Variants in ZMYM1 observed in about 807,000 individuals in gnomAD.
ZMYM1 encodes zinc finger MYM-type containing 1.
Under a neutral mutation model 60.0 loss-of-function variants are expected in ZMYM1, and 39 were observed. The ratio of observed to expected loss-of-function variants is 0.65; its 90% CI spans 0.50 to 0.85. The LOEUF is 0.85. ZMYM1 is among the 40% of genes least tolerant of loss of function. The pLI, the probability that ZMYM1 is intolerant of heterozygous loss-of-function variation, is 0.00. For missense variants in ZMYM1, 1,171 were observed against 1,309.5 expected (o/e 0.89, Z 1.63); for synonymous variants, 413 against 454.0 (o/e 0.91, Z 1.15).
At position 35,112,092 on chromosome 1, in the gene ZMYM1, G is replaced by A. The variant is rs1394515175; in HGVS notation, c.1108G>A (p.Val370Ile). Residue 370 changes from valine (V) to isoleucine (I), a missense_variant, in exon 9 of 10, where the codon GTT becomes ATT. Coordinates refer to ENST00000359858, the MANE Select transcript of ZMYM1 (RefSeq NM_024772.5). Reference protein sequence around the residue: ...IMNTDVLQDTVSSVTATADVI... With the variant: ...IMNTDVLQDTISSVTATADVI... The stretch of plus-strand genomic sequence containing the variant: ...TTTATGCTCTATTTTAACAGATACA[G>A]TTTCTTCAGTAACAGCAACAGCAGA... 6.2e-7 allele frequency: 1 copy of A among 1,612,970 alleles called. No homozygotes were observed. Among genetic ancestry groups the A allele is most frequent in the Non-Finnish European group, 8.5e-7 (1 of 1,179,538 alleles).
chr1:35,064,292 CAAAAAAAAAAAA>C (rs371084383), intron 1 of ZMYM1, among the ~76,000 whole-genome samples: 1 of 54,504 alleles, frequency 1.8e-5, no homozygotes, highest in Admixed American at 2.1e-4. Flanking sequence ...GATCCTGTCT[CAAAAAAAAAAAA>C]AAAAAAAAAC....
upstream of ZMYM1, among the ~76,000 whole-genome samples, chr1:35,078,051 C>CT (rs536570260): frequency 1.0e-3 from 155 of 152,278 alleles, no homozygotes; most frequent in East Asian, 8.9e-3. Flanking sequence ...ATCCTCTTGC[C>CT]TTCAGCTTTT....
At chr1:35,066,768 C>A (rs1243685129) in intron 1 of ZMYM1, among the ~76,000 whole-genome samples, 2 of 152,056 alleles carry the variant, frequency 1.3e-5, no homozygotes, top group Non-Finnish European at 2.9e-5. Flanking sequence ...ATAGTTCCAA[C>A]TACTGAGGAA....
chr1:35,072,782 T>C (rs1434175570), intron 1 of ZMYM1, among the ~76,000 whole-genome samples: 12 of 151,970 alleles, frequency 7.9e-5, no homozygotes, highest in Admixed American at 7.9e-4. Context: ...ACCCCATCTC[T>C]ACTAAAAATA....
At chr1:35,060,143 G>A (rs1010047337) in intron 1 of ZMYM1, among the ~76,000 whole-genome samples, 3 of 144,100 alleles carry the variant, frequency 2.1e-5, no homozygotes, top group African/African-American at 5.1e-5. Context: ...ACTATTTGTT[G>A]TTATTATTAT....
chr1:35,104,724 G>A lies in ZMYM1; in HGVS notation c.762G>A (p.Gln254=). ...CCCACATACTTCAGATGGAAGGACA[G>A]TCTCATTACTTTAATAGTTCAAAGA... ...SLSHILQMEG[Q]SHYFNSSKSI... Residue 254 remains glutamine, a synonymous_variant, in exon 6 of 10, where the codon CAG becomes CAA. Coordinates refer to ENST00000359858, the MANE Select transcript of ZMYM1 (RefSeq NM_024772.5). 6.2e-7 allele frequency: 1 copy of A among 1,614,180 alleles called. No individual in the cohort carries two copies. The highest frequency in any genetic ancestry group is 8.5e-7 in the Non-Finnish European group (1 of 1,180,012).
intron 7 of ZMYM1, among the ~76,000 whole-genome samples, chr1:35,111,446 A>G (rs1011233638): frequency 2.6e-5 from 4 of 152,226 alleles, no homozygotes; most frequent in Admixed American, 6.5e-5. Flanking sequence ...AGGAGATTCA[A>G]TCAGAATCTC....
chr1:35,073,725 A>T (rs918312788), intron 1 of ZMYM1, among the ~76,000 whole-genome samples: 7 of 151,904 alleles, frequency 4.6e-5, no homozygotes, highest in African/African-American at 1.7e-4. Context: ...AAGGAAAATC[A>T]TTTCTCTTTT....
At chr1:35,066,443 C>A (rs956902048) in intron 1 of ZMYM1, among the ~76,000 whole-genome samples, 3 of 152,212 alleles carry the variant, frequency 2.0e-5, no homozygotes, top group African/African-American at 7.2e-5. Flanking sequence ...GGTGATCCAC[C>A]TGCTTGGGCG....
At chr1:35,078,888 T>C (rs1299218712), upstream of ZMYM1, 1 of 151,994 alleles carries the variant, frequency 6.6e-6, no homozygotes, top group Non-Finnish European at 1.5e-5. Flanking sequence ...GAAAGAAGTC[T>C]GAACTCCCTC....
chr1:35,092,691 G>T (rs1248133038), intron 1 of ZMYM1, among the ~76,000 whole-genome samples: 1 of 150,512 alleles, frequency 6.6e-6, no homozygotes, highest in East Asian at 2.0e-4. Context: ...GCAATGGCGC[G>T]ATCTTGGCCC....
chr1:35,090,084 T>C (rs1642914994), intron 1 of ZMYM1, among the ~76,000 whole-genome samples: 2 of 151,968 alleles, frequency 1.3e-5, no homozygotes, highest in Non-Finnish European at 2.9e-5. Flanking sequence ...TTTTTTGTAT[T>C]TTTAGTAGAG....
intron 6 of ZMYM1, among the ~76,000 whole-genome samples, chr1:35,105,384 G>A (rs889236477): frequency 3.9e-5 from 6 of 151,940 alleles, no homozygotes. Flanking sequence ...TGATCCACCT[G>A]CCTTGGCCTC....
At chr1:35,061,937 C>T (rs1641885171) in intron 1 of ZMYM1, among the ~76,000 whole-genome samples, 1 of 151,468 alleles carries the variant, frequency 6.6e-6, no homozygotes, top group South Asian at 2.1e-4. Context: ...TCAAGTGATC[C>T]TCCTGCCTTA....
upstream of ZMYM1, among the ~76,000 whole-genome samples, chr1:35,076,607 C>T (rs550544560): frequency 4.7e-5 from 7 of 149,874 alleles, no homozygotes; most frequent in South Asian, 1.1e-3. Flanking sequence ...GCAACAAGAG[C>T]GAAGCTCCAT....
intron 2 of ZMYM1, among the ~76,000 whole-genome samples, 181 bp downstream of exon 2, chr1:35,094,264 T>G (rs1298802232): frequency 6.6e-6 from 1 of 152,180 alleles, no homozygotes; most frequent in African/African-American, 2.4e-5. Context: ...AGAAAATTAT[T>G]TGAGGAAAGA....
chr1:35,104,241 GA>G, intron 4 of ZMYM1, 53 bp from the exon 5 acceptor site: 1 of 1,395,000 alleles, frequency 7.2e-7, no homozygotes, highest in Non-Finnish European at 9.6e-7. Context: ...TTTATAAAGA[GA>G]AGTTATAATT....
At position 35,114,426 on chromosome 1, in the gene ZMYM1, T is replaced by A. The variant is rs1039265536; in HGVS notation, c.2596T>A (p.Tyr866Asn). 3 of 1,613,450 alleles carry A rather than the reference T, an allele frequency of 1.9e-6. No individual in the cohort carries two copies. In the African/African-American group the frequency reaches 4.0e-5, roughly 22 times the overall value. The change falls in exon 10 of 10, where the codon TAT becomes AAT. Residue 866 changes from tyrosine to asparagine, a missense_variant. Physicochemically the swap from Tyr to Asn is moderately radical, Grantham distance 143 (BLOSUM62 -2). Transcript: ENST00000359858. Reference sequence around the variant, plus strand: ...ATTTGTCTTTTGTTTGAAATTCCTGTATCGAGTGCTGAGTGTTACAGGAAT... The same window carrying A: ...ATTTGTCTTTTGTTTGAAATTCCTGAATCGAGTGCTGAGTGTTACAGGAAT... The part of the protein sequence containing the change: ...FEFVFCLKFL[Y>N]RVLSVTGILS...
At chr1:35,110,098 A>G (rs574601224) in intron 6 of ZMYM1, among the ~76,000 whole-genome samples, 196 bp from the exon 7 acceptor site, 14 of 152,318 alleles carry the variant, frequency 9.2e-5, no homozygotes, top group African/African-American at 3.1e-4. Context: ...TATCTGATAA[A>G]TAATAAAAAT....
Sources: gnomAD v4.1 joint callset for allele counts (sites outside exome capture counted in the v4.1 genomes callset) on GRCh38, gnomAD v4.1.1 for gene constraint, MANE v1.5 for transcripts, NCBI Gene and HGNC (gene_info 2026-07-23, HGNC 2026-07-21) for gene names.